Variants in KLHL18 observed in about 807,000 individuals in gnomAD.
KLHL18 encodes kelch-like protein 18.
A neutral mutation model predicts 58.5 loss-of-function variants in KLHL18; 38 were observed. The observed-to-expected ratio is 0.65, with a 90% CI of 0.50 to 0.85. KLHL18 has a LOEUF of 0.85. Among genes scored for constraint, KLHL18 ranks in the 40% least tolerant of loss-of-function variants. The pLI is 0.00. For synonymous variants in KLHL18, 303 were observed against 301.9 expected (o/e 1.00, Z -0.04); for missense variants, 624 against 778.4 (o/e 0.80, Z 2.36).
chr3:47,343,704 G>A lies in KLHL18; in HGVS notation c.1488G>A (p.Met496Ile). 1 of 1,614,190 alleles carries A rather than the reference G, an allele frequency of 6.2e-7. No homozygotes were observed. The highest frequency in any genetic ancestry group is 1.7e-5 in the Admixed American group (1 of 60,032). ...DGSGFLSIAE[M>I]YSSVADQWCL... ...CTGGCTTCCTCAGCATTGCCGAGATGTACAGCTCTGTGGCAGACCAGTGGT... is the reference window on the plus strand; with the variant it reads ...CTGGCTTCCTCAGCATTGCCGAGATATACAGCTCTGTGGCAGACCAGTGGT... Residue 496 changes from methionine (M) to isoleucine (I), a missense_variant, in exon 10 of 10, where the codon ATG (methionine) becomes ATA (isoleucine). Transcript: ENST00000232766.
intron 3 of KLHL18, among the ~76,000 whole-genome samples, chr3:47,326,127 T>C (rs1703714591): frequency 1.3e-5 from 2 of 152,062 alleles, no homozygotes; most frequent in Admixed American, 6.6e-5. Context: ...TTTGTATTTT[T>C]AGTAGAGATG....
chr3:47,290,556 G>A (rs948647379), intron 1 of KLHL18, among the ~76,000 whole-genome samples: 5 of 151,894 alleles, frequency 3.3e-5, no homozygotes, highest in Admixed American at 3.3e-4. Flanking sequence ...CGAAATCCCT[G>A]GCTCAAGCCA....
chr3:47,340,408 G>A (rs1410197355), intron 7 of KLHL18, 164 bp from the exon 8 acceptor site: 4 of 450,710 alleles, frequency 8.9e-6, no homozygotes, highest in African/African-American at 6.4e-5. Flanking sequence ...CAAGAGGAAT[G>A]ATGGGGCAGC....
rs115549025 is a variant in KLHL18, at chr3:47,290,220, G to A, written c.129+7126G>A. ...TAGTAGGGAACAAAGCATCCTTAGT[G>A]TCATTCTTGAGCACAGAGGGCAAAG... On this transcript the variant is annotated intron_variant, in intron 1 of 9. Transcript: ENST00000232766. Among the ~76,000 whole-genome samples the A allele has an allele frequency of 5.2e-3, 797 of 152,282 alleles. 1 individual carries two copies. Among genetic ancestry groups the A allele is most frequent in the African/African-American group, 0.012 (495 of 41,548 alleles).
Position 47,336,548 on chromosome 3 carries a change from T to G in KLHL18, c.912T>G (p.Asn304Lys). The G allele has an allele frequency of 1.2e-6, 2 of 1,612,958 alleles. No homozygotes were observed. Among genetic ancestry groups the G allele is most frequent in the Non-Finnish European group, 1.7e-6 (2 of 1,178,892 alleles). ...GGLNSAGDSLNVVEVFDPIAN... is the reference protein window; with the variant it reads ...GGLNSAGDSLKVVEVFDPIAN... The stretch of plus-strand genomic sequence containing the variant: ...ATTTTTATGCAGGTGATTCCCTGAA[T>G]GTGGTGGAAGTGTTCGACCCCATTG... The change falls in exon 7 of 10, where the codon AAT becomes AAG. Residue 304 changes from asparagine (N) to lysine (K), a missense_variant. Transcript: ENST00000232766.
chr3:47,290,636 T>C (rs1164268880), intron 1 of KLHL18, among the ~76,000 whole-genome samples: 1 of 152,094 alleles, frequency 6.6e-6, no homozygotes, highest in Non-Finnish European at 1.5e-5. Flanking sequence ...TAATTTTGTT[T>C]ATTTTTTGAG....
chr3:47,310,476 C>T (rs550689758), intron 1 of KLHL18, among the ~76,000 whole-genome samples: 6 of 152,200 alleles, frequency 3.9e-5, no homozygotes, highest in East Asian at 1.9e-4. Flanking sequence ...CTTCACACTT[C>T]GAGTTCTCTC....
intron 6 of KLHL18, among the ~76,000 whole-genome samples, chr3:47,335,209 A>G (rs1264018013): frequency 6.6e-6 from 1 of 152,140 alleles, no homozygotes; most frequent in Non-Finnish European, 1.5e-5. Flanking sequence ...TCAGCCCCGG[A>G]TAGGATACAG....
intron 8 of KLHL18, 50 bp downstream of exon 8, chr3:47,340,726 A>T (rs1203937235): frequency 6.2e-7 from 1 of 1,607,070 alleles, no homozygotes; most frequent in Non-Finnish European, 8.5e-7. Flanking sequence ...AACAGAGAGT[A>T]TAAAAATCAG....
intron 9 of KLHL18, 34 bp downstream of exon 9, chr3:47,342,864 T>C: frequency 6.9e-7 from 1 of 1,440,422 alleles, no homozygotes; most frequent in Non-Finnish European, 9.8e-7. Flanking sequence ...TAAGGGTACC[T>C]ACTTCTGTCT....
intron 1 of KLHL18, among the ~76,000 whole-genome samples, chr3:47,289,489 C>T (rs1400177516): frequency 6.6e-6 from 1 of 152,144 alleles, no homozygotes; most frequent in Non-Finnish European, 1.5e-5. Flanking sequence ...TCACCACTGG[C>T]TTTGTGATGA....
chr3:47,307,917 C>A (rs1005733901), intron 1 of KLHL18, among the ~76,000 whole-genome samples: 1 of 152,152 alleles, frequency 6.6e-6, no homozygotes, highest in Admixed American at 6.6e-5. Flanking sequence ...TGTTTCAGTA[C>A]CACAATTTCC....
intron 1 of KLHL18, among the ~76,000 whole-genome samples, chr3:47,304,602 C>A (rs188244402): frequency 1.8e-4 from 28 of 152,300 alleles, no homozygotes; most frequent in Non-Finnish European, 2.8e-4. Context: ...GTGTTACTTG[C>A]TGGTACATGG....
At chr3:47,329,834 A>G in intron 3 of KLHL18, 117 bp from the exon 4 acceptor site, 1 of 797,586 alleles carries the variant, frequency 1.3e-6, no homozygotes. Flanking sequence ...AGTTTCCAAC[A>G]AAGCTGAGGT....
rs759256853 is a variant in KLHL18, at chr3:47,336,622, T to C, written c.986T>C (p.Val329Ala). Reference protein sequence around the residue: ...CRPMTTARSRVGVAVVNGLLY... With the variant: ...CRPMTTARSRAGVAVVNGLLY... ...CCCATGACAACAGCCCGCAGCCGCG[T>C]TGGCGTGGCTGTGGTGAACGGGCTT... Residue 329 changes from valine to alanine, a missense_variant, in exon 7 of 10, where the codon GTT becomes GCT. Transcript: ENST00000232766. 3 of 1,614,166 alleles carry C rather than the reference T, an allele frequency of 1.9e-6. No individual in the cohort carries two copies. In the East Asian group the frequency reaches 6.7e-5, roughly 36 times the overall value.
chr3:47,291,408 T>C (rs962141101), intron 1 of KLHL18, among the ~76,000 whole-genome samples: 14 of 152,200 alleles, frequency 9.2e-5, no homozygotes, highest in African/African-American at 1.7e-4. Context: ...TTTTTTCCAA[T>C]TGGGGACAAA....
chr3:47,328,561 G>T (rs1361083014), intron 3 of KLHL18, among the ~76,000 whole-genome samples: 1 of 152,012 alleles, frequency 6.6e-6, no homozygotes, highest in Non-Finnish European at 1.5e-5. Context: ...TTTATCCTGG[G>T]TTTCTCTAGC....
chr3:47,343,430 TCC>T, intron 9 of KLHL18, 123 bp from the exon 10 acceptor site: 1 of 1,133,584 alleles, frequency 8.8e-7, no homozygotes, highest in Non-Finnish European at 1.3e-6. Context: ...CTGGGAGAGC[TCC>T]TTGTCCCCAT....
At chr3:47,320,756 A>G (rs1703566476) in intron 2 of KLHL18, among the ~76,000 whole-genome samples, 1 of 152,162 alleles carries the variant, frequency 6.6e-6, no homozygotes, top group Admixed American at 6.5e-5. Flanking sequence ...TTTATAAAAA[A>G]AAATTGTTTT....
Sources: gnomAD v4.1 joint callset for allele counts (sites outside exome capture counted in the v4.1 genomes callset) on GRCh38, gnomAD v4.1.1 for gene constraint, MANE v1.5 for transcripts, NCBI Gene and HGNC (gene_info 2026-07-23, HGNC 2026-07-21) for gene names.